The following PTPRD variants were observed in gnomAD, a reference collection of about 807,000 sequenced individuals.
PTPRD encodes protein tyrosine phosphatase receptor type D.
A neutral mutation model predicts 214.5 loss-of-function variants in PTPRD; 34 were observed. That is an observed-to-expected ratio of 0.16 (90% CI 0.12 to 0.21). The LOEUF (loss-of-function observed/expected upper bound fraction) is 0.21. PTPRD is among the 10% of genes least tolerant of loss of function. PTPRD has a pLI of 1.00. For synonymous variants in PTPRD, 1,128 were observed against 845.7 expected (o/e 1.33, Z -5.79); for missense variants, 2,545 against 2,398.7 (o/e 1.06, Z -1.27).
chr9:10,161,461 T>G (rs1198246344), intron 3 of PTPRD, among the ~76,000 whole-genome samples: 2 of 151,806 alleles, frequency 1.3e-5, no homozygotes, highest in African/African-American at 4.8e-5. Flanking sequence ...GACAATCTTT[T>G]CAATAGATGG....
intron 10 of PTPRD, among the ~76,000 whole-genome samples, chr9:9,087,335 A>G (rs192098418): frequency 6.6e-6 from 1 of 152,316 alleles, no homozygotes; most frequent in Admixed American, 6.5e-5. Flanking sequence ...TAAATCACAA[A>G]TAATAAAATT....
At chr9:9,305,840 C>T (rs1414238428) in intron 9 of PTPRD, among the ~76,000 whole-genome samples, 1 of 152,108 alleles carries the variant, frequency 6.6e-6, no homozygotes, top group Admixed American at 6.6e-5. Flanking sequence ...AGTGAGGCAG[C>T]TGCAAGACAA....
intron 5 of PTPRD, among the ~76,000 whole-genome samples, chr9:9,808,356 G>A (rs1299132373): frequency 6.6e-6 from 1 of 152,060 alleles, no homozygotes; most frequent in African/African-American, 2.4e-5. Context: ...AGGAACTTTG[G>A]AATTTCCTTA....
At chr9:9,427,753 C>A (rs1478621681) in intron 8 of PTPRD, among the ~76,000 whole-genome samples, 2 of 152,110 alleles carry the variant, frequency 1.3e-5, no homozygotes, top group African/African-American at 4.8e-5. Flanking sequence ...GTGGGGGCCA[C>A]TACTCAACAT....
At chr9:8,708,181 G>C (rs2098248816) in intron 12 of PTPRD, among the ~76,000 whole-genome samples, 1 of 152,142 alleles carries the variant, frequency 6.6e-6, no homozygotes, top group Non-Finnish European at 1.5e-5. Context: ...AGTATACCAT[G>C]TCTCAGCCAA....
At chr9:8,754,016 A>G (rs558072189) in intron 11 of PTPRD, among the ~76,000 whole-genome samples, 1 of 152,222 alleles carries the variant, frequency 6.6e-6, no homozygotes, top group Middle Eastern at 3.4e-3. Context: ...ATGGTGGCAC[A>G]TGCCTGTAAT....
chr9:10,493,050 G>C (rs1464251510), intron 2 of PTPRD, among the ~76,000 whole-genome samples: 1 of 151,962 alleles, frequency 6.6e-6, no homozygotes, highest in African/African-American at 2.4e-5. Flanking sequence ...AGAGATGTGA[G>C]GGACCTGTTC....
chr9:8,426,256 G>C lies in PTPRD; in HGVS notation c.4086+10336C>G, dbSNP rs375528396. Among the ~76,000 whole-genome samples, 190 of 152,226 alleles carry C rather than the reference G, an allele frequency of 1.2e-3. 1 individual carries two copies. The highest frequency in any genetic ancestry group is 4.5e-3 in the African/African-American group (185 of 41,544). On this transcript the variant is annotated intron_variant, in intron 35 of 45. Coordinates refer to ENST00000381196, the MANE Select transcript of PTPRD (RefSeq NM_002839.4). ...TCTCATCTTAAATAAGAGAACCAAG[G>C]TTCTGAGAGGTAAAGCAACTGGCTC...
intron 5 of PTPRD, among the ~76,000 whole-genome samples, chr9:9,828,354 A>G (rs1236651553): frequency 6.6e-6 from 1 of 152,138 alleles, no homozygotes; most frequent in Admixed American, 6.6e-5. Context: ...GTCCTTTGTA[A>G]GGACATGGAT....
chr9:9,966,924 G>A (rs1303942129), intron 4 of PTPRD, among the ~76,000 whole-genome samples: 1 of 152,098 alleles, frequency 6.6e-6, no homozygotes, highest in African/African-American at 2.4e-5. Flanking sequence ...TTTAAATACT[G>A]CCTCTGTGAA....
chr9:10,361,068 C>G (rs143269385), intron 2 of PTPRD, among the ~76,000 whole-genome samples: 3,862 of 152,214 alleles, frequency 0.025, 143 homozygotes, highest in African/African-American at 0.078. Context: ...AGCCACTGCA[C>G]TCCAGCCTGG....
In PTPRD at chr9:9,385,131, G is replaced by GA. The variant is rs1369560434; in HGVS notation, c.-203+12317dup. Among the ~76,000 whole-genome samples, 4 of 152,034 alleles carry GA rather than the reference G, an allele frequency of 2.6e-5. No individual in the cohort carries two copies. The East Asian group carries it at 5.8e-4, about 22-fold the overall frequency. On this transcript the variant is annotated intron_variant, in intron 9 of 45. Transcript: ENST00000381196. ...CCAGGATGTAGACATAATATCAACA[G>GA]AAAAAAAGAATAATGAACCCACATG...
At chr9:9,908,483 C>T (rs916538694) in intron 5 of PTPRD, among the ~76,000 whole-genome samples, 2 of 151,954 alleles carry the variant, frequency 1.3e-5, no homozygotes, top group Admixed American at 6.6e-5. Context: ...CAGAATTGTA[C>T]TTGTTGAGCA....
chr9:9,204,479 G>C (rs1180681799), intron 9 of PTPRD, among the ~76,000 whole-genome samples: 1 of 152,108 alleles, frequency 6.6e-6, no homozygotes, highest in African/African-American at 2.4e-5. Flanking sequence ...ACTTTACAGA[G>C]TTTCCTAGCC....
chr9:10,312,499 T>A (rs1156739977), intron 3 of PTPRD, among the ~76,000 whole-genome samples: 1 of 151,988 alleles, frequency 6.6e-6, no homozygotes. Flanking sequence ...AATAAGGTAT[T>A]TTATAAAAAC....
intron 3 of PTPRD, among the ~76,000 whole-genome samples, chr9:10,242,999 T>G (rs1319615115): frequency 6.6e-6 from 1 of 151,866 alleles, no homozygotes; most frequent in African/African-American, 2.4e-5. Flanking sequence ...ATGAAAAGTT[T>G]TAACAGTTCA....
intron 3 of PTPRD, among the ~76,000 whole-genome samples, chr9:10,121,791 T>C (rs1255633804): frequency 6.6e-6 from 1 of 152,106 alleles, no homozygotes; most frequent in African/African-American, 2.4e-5. Context: ...TACCATCCTG[T>C]TTCCAGAGTG....
At chr9:10,092,903 A>C (rs1291023950) in intron 3 of PTPRD, among the ~76,000 whole-genome samples, 3 of 151,674 alleles carry the variant, frequency 2.0e-5, no homozygotes, top group African/African-American at 4.8e-5. Context: ...CGCCATATAC[A>C]GACGAATGAA....
At chr9:9,720,595 A>G (rs1259196062) in intron 7 of PTPRD, among the ~76,000 whole-genome samples, 1 of 152,178 alleles carries the variant, frequency 6.6e-6, no homozygotes, top group East Asian at 1.9e-4. Flanking sequence ...ACGTGAATCT[A>G]AATCCCATGC....
Sources: gnomAD v4.1 joint callset for allele counts (sites outside exome capture counted in the v4.1 genomes callset) on GRCh38, gnomAD v4.1.1 for gene constraint, MANE v1.5 for transcripts, NCBI Gene and HGNC (gene_info 2026-07-23, HGNC 2026-07-21) for gene names.